Variants in MAP4K3 observed in about 807,000 individuals in gnomAD.
MAP4K3 encodes MAPK/ERK kinase kinase kinase 3.
Under a neutral mutation model 143.5 loss-of-function variants are expected in MAP4K3, and 94 were observed. That is an observed-to-expected ratio of 0.65 (90% CI 0.55 to 0.78). The LOEUF is 0.78. MAP4K3 is among the 30% of genes least tolerant of loss of function. The pLI is 0.00. For synonymous variants in MAP4K3, 416 were observed against 347.2 expected (o/e 1.20, Z -2.20); for missense variants, 1,077 against 1,068.1 (o/e 1.01, Z -0.12).
At chr2:39,352,555 A>T (rs1665490817) in intron 3 of MAP4K3, among the ~76,000 whole-genome samples, 1 of 152,246 alleles carries the variant, frequency 6.6e-6, no homozygotes, top group South Asian at 2.1e-4. Context: ...ATTCAGATAC[A>T]AATACATACC....
chr2:39,431,266 T>C (rs1481572993), intron 1 of MAP4K3, among the ~76,000 whole-genome samples: 1 of 152,164 alleles, frequency 6.6e-6, no homozygotes, highest in African/African-American at 2.4e-5. Context: ...GTATTCCAGG[T>C]GGAGACAGGG....
intron 14 of MAP4K3, 110 bp downstream of exon 14, chr2:39,309,351 G>T: frequency 1.3e-6 from 1 of 794,180 alleles, no homozygotes; most frequent in South Asian, 1.8e-5. Context: ...GACCTCGAAT[G>T]TTTTTGAAAA....
chr2:39,360,519 T>A lies in MAP4K3; in HGVS notation c.155-4180A>T, dbSNP rs1365760310. Among the ~76,000 whole-genome samples, 3 of 152,212 alleles carry A rather than the reference T, an allele frequency of 2.0e-5. No homozygotes were observed. The East Asian group carries it at 5.8e-4, about 29-fold the overall frequency. ...CCAATTCCAAAGTTGCTTCCAGATTTTCAGGTATCTTTACAGCAGCACCCC... is the reference window on the plus strand; with the variant it reads ...CCAATTCCAAAGTTGCTTCCAGATTATCAGGTATCTTTACAGCAGCACCCC... On this transcript the variant is annotated intron_variant, in intron 2 of 33. Coordinates refer to ENST00000263881, the MANE Select transcript of MAP4K3 (RefSeq NM_003618.4).
intron 15 of MAP4K3, among the ~76,000 whole-genome samples, chr2:39,305,830 A>ATTT (rs1227094657): frequency 6.9e-6 from 1 of 144,688 alleles, no homozygotes; most frequent in Non-Finnish European, 1.5e-5. Context: ...AGTATTTGTA[A>ATTT]TTTTTTTTTT....
intron 8 of MAP4K3, among the ~76,000 whole-genome samples, chr2:39,329,784 T>C (rs1182959648): frequency 6.6e-6 from 1 of 152,180 alleles, no homozygotes; most frequent in East Asian, 1.9e-4. Flanking sequence ...TGAACATCTC[T>C]GCTTCCTTCA....
At chr2:39,391,537 G>C (rs1218956552) in intron 1 of MAP4K3, among the ~76,000 whole-genome samples, 2 of 151,922 alleles carry the variant, frequency 1.3e-5, no homozygotes, top group Admixed American at 6.6e-5. Flanking sequence ...ACCCCTAAAA[G>C]CTCCCCAATT....
At position 39,292,757 on chromosome 2, in the gene MAP4K3, C is replaced by T; in HGVS notation, c.1271+16G>A. On this transcript the variant is annotated intron_variant, in intron 18 of 33. Coordinates refer to ENST00000263881, the MANE Select transcript of MAP4K3 (RefSeq NM_003618.4). Reference sequence around the variant, plus strand: ...TGACACCTTTTCTTTTTACCAAAAACAGAGACAGAACTTACTGTTTAGATT... The same window carrying T: ...TGACACCTTTTCTTTTTACCAAAAATAGAGACAGAACTTACTGTTTAGATT... The T allele has an allele frequency of 6.2e-7, 1 of 1,609,872 alleles. No homozygotes were observed. The highest frequency in any genetic ancestry group is 8.5e-7 in the Non-Finnish European group (1 of 1,176,602).
chr2:39,251,735 C>G, intron 33 of MAP4K3, 95 bp downstream of exon 33: 1 of 997,900 alleles, frequency 1.0e-6, no homozygotes, highest in Non-Finnish European at 1.5e-6. Context: ...GAACATATTG[C>G]AGACATTTCA....
chr2:39,280,441 G>A lies in MAP4K3; in HGVS notation c.1630-85C>T. The A allele has an allele frequency of 7.3e-6, 5 of 688,562 alleles. No homozygotes were observed. The South Asian group carries it at 1.0e-4, about 14-fold the overall frequency. The allele number at this position is 688,562 out of a possible 1,614,324, so 42.7% of individuals were successfully genotyped here. ...AAATGTAACTATTATCTATTTTAAT[G>A]TGAGAGTCTATAGATAGTATACTGA... is the stretch of plus-strand genomic sequence containing the variant. On this transcript the variant is annotated intron_variant, in intron 22 of 33. Transcript: ENST00000263881.
chr2:39,288,170 T>G lies in MAP4K3; in HGVS notation c.1425A>C (p.Pro475=), dbSNP rs770450697. The G allele has an allele frequency of 3.7e-6, 6 of 1,614,154 alleles. No homozygotes were observed. Among genetic ancestry groups the G allele is most frequent in the Non-Finnish European group, 4.2e-6 (5 of 1,180,002 alleles). ...GTAATCTGGGAGGTGGTGGTCTAGG[T>G]GGAACTTGGGATGGCTTTGCTGGGC... ...SGSPAKPSQV[P]PRPPPPRLPP... is the part of the protein sequence containing the mutation. Residue 475 remains proline (P), a synonymous_variant, in exon 20 of 34, where the codon CCA becomes CCC. Coordinates refer to ENST00000263881, the MANE Select transcript of MAP4K3 (RefSeq NM_003618.4).
intron 28 of MAP4K3, among the ~76,000 whole-genome samples, chr2:39,261,328 T>TAA (rs10658001): frequency 0.79 from 119,652 of 152,058 alleles, 49,710 homozygotes; most frequent in Non-Finnish European, 0.92. Flanking sequence ...TAATTTTATA[T>TAA]GTTTAAAATT....
chr2:39,406,730 G>A (rs373873689), intron 1 of MAP4K3, among the ~76,000 whole-genome samples: 1 of 151,940 alleles, frequency 6.6e-6, no homozygotes, highest in African/African-American at 2.4e-5. Flanking sequence ...ATGCTAAAGG[G>A]AGTACTTCAA....
chr2:39,358,343 A>G (rs1426240001), intron 2 of MAP4K3, among the ~76,000 whole-genome samples: 5 of 152,232 alleles, frequency 3.3e-5, no homozygotes, highest in Non-Finnish European at 5.9e-5. Context: ...GATGTGATCA[A>G]TAAAGAACTG....
chr2:39,355,722 C>A (rs1473348557), intron 3 of MAP4K3, among the ~76,000 whole-genome samples: 2 of 151,914 alleles, frequency 1.3e-5, no homozygotes, highest in Admixed American at 1.3e-4. Flanking sequence ...GGTCTGGCTA[C>A]CAAAACAAAG....
At chr2:39,326,316 T>C (rs568454421) in intron 8 of MAP4K3, 39 bp from the exon 9 acceptor site, 12 of 1,607,018 alleles carry the variant, frequency 7.5e-6, no homozygotes, top group Admixed American at 6.8e-5. Flanking sequence ...ACTTCTGTTA[T>C]ATGTTTTCCT....
At chr2:39,405,628 G>T (rs1667073313) in intron 1 of MAP4K3, among the ~76,000 whole-genome samples, 1 of 152,140 alleles carries the variant, frequency 6.6e-6, no homozygotes, top group Non-Finnish European at 1.5e-5. Flanking sequence ...AACACTTTGA[G>T]AGGCTGAGAC....
At chr2:39,254,711 A>T (rs1187990075) in intron 31 of MAP4K3, among the ~76,000 whole-genome samples, 191 bp from the exon 32 acceptor site, 1 of 152,194 alleles carries the variant, frequency 6.6e-6, no homozygotes, top group Non-Finnish European at 1.5e-5. Context: ...TCTTTTTGGT[A>T]GGAAAAAATT....
intron 3 of MAP4K3, among the ~76,000 whole-genome samples, chr2:39,355,585 C>G (rs1665589524): frequency 1.3e-5 from 2 of 151,980 alleles, no homozygotes; most frequent in Non-Finnish European, 2.9e-5. Context: ...CTAATCTTCC[C>G]TTGGAGGAAG....
chr2:39,312,156 A>T (rs914311956), intron 13 of MAP4K3, among the ~76,000 whole-genome samples: 7 of 152,366 alleles, frequency 4.6e-5, no homozygotes, highest in Admixed American at 1.3e-4. Context: ...CACTGCAGCT[A>T]AAGTATAAAC....
Sources: gnomAD v4.1 joint callset for allele counts (sites outside exome capture counted in the v4.1 genomes callset) on GRCh38, gnomAD v4.1.1 for gene constraint, MANE v1.5 for transcripts, NCBI Gene and HGNC (gene_info 2026-07-23, HGNC 2026-07-21) for gene names.